Variants in ZNF695 observed in about 807,000 individuals in gnomAD.
ZNF695 encodes the protein zinc finger protein SBZF3.
A neutral mutation model predicts 11.2 loss-of-function variants in ZNF695; 11 were observed. The ratio of observed to expected loss-of-function variants is 0.98; its 90% CI spans 0.62 to 1.62. ZNF695 has a LOEUF of 1.62. Ranked by LOEUF, ZNF695 falls within the 40% of genes most tolerant of loss-of-function variation. The pLI, the probability that ZNF695 is intolerant of heterozygous loss-of-function variation, is 0.00. For synonymous variants in ZNF695, 190 were observed against 201.4 expected, an observed-to-expected ratio of 0.94 and a Z score of 0.48; for missense variants, 559 against 590.5, an observed-to-expected ratio of 0.95 and a Z score of 0.55.
chr1:246,957,932 A>C (rs950843513), intron 5 of ZNF695, among the ~76,000 whole-genome samples: 3 of 152,004 alleles, frequency 2.0e-5, no homozygotes, highest in African/African-American at 7.2e-5. Flanking sequence ...TATATTTATT[A>C]CTACATGCAT....
intron 4 of ZNF695, among the ~76,000 whole-genome samples, chr1:246,978,232 C>T (rs1025175168): frequency 4.6e-5 from 7 of 152,200 alleles, no homozygotes; most frequent in Admixed American, 2.6e-4. Context: ...ATTCAGAATA[C>T]ATTCATCCCA....
intron 4 of ZNF695, chr1:246,980,108 C>T (rs935413192): frequency 6.2e-5 from 9 of 144,702 alleles, no homozygotes; most frequent in Middle Eastern, 3.5e-3. Context: ...GAACCTGGGA[C>T]GCGGAGCTTG....
rs762865431 is a variant in ZNF695, at chr1:246,987,164, G to C, written c.1351C>G (p.Leu451Val). The change falls in exon 4 of 4, where the codon CTT (leucine) becomes GTT (valine). Residue 451 changes from leucine to valine, a missense_variant. Coordinates refer to ENST00000339986, the MANE Select transcript of ZNF695 (RefSeq NM_020394.5). ...CGKAFNWFSY[L>V]TNHKRIHTGE... Reference sequence around the variant, plus strand: ...GTATGAATTCTCTTATGATTAGTAAGATATGAAAACCAGTTAAAAGCTTTG... The same window carrying C: ...GTATGAATTCTCTTATGATTAGTAACATATGAAAACCAGTTAAAAGCTTTG... 1 of 1,613,984 alleles carries C rather than the reference G, an allele frequency of 6.2e-7. No individual in the cohort carries two copies. Among genetic ancestry groups the C allele is most frequent in the Non-Finnish European group, 8.5e-7 (1 of 1,179,984 alleles).
chr1:247,005,956 T>C (rs66842594), intron 1 of ZNF695, among the ~76,000 whole-genome samples: 6,008 of 152,290 alleles, frequency 0.039, 154 homozygotes, highest in South Asian at 0.12. Flanking sequence ...CTGGGCACGG[T>C]GGCTCAAGCC....
At chr1:246,990,462 TA>T (rs1304367842) in intron 3 of ZNF695, among the ~76,000 whole-genome samples, 1 of 152,154 alleles carries the variant, frequency 6.6e-6, no homozygotes, top group East Asian at 1.9e-4. Context: ...AGTACCCAGA[TA>T]TATAAGGCAA....
chr1:247,000,097 C>T (rs1333906935), intron 1 of ZNF695, 23 bp from the exon 2 acceptor site: 1 of 1,588,860 alleles, frequency 6.3e-7, no homozygotes, highest in Admixed American at 1.8e-5. Context: ...ACATATTTAC[C>T]AAGTGGTCAC....
intron 3 of ZNF695, among the ~76,000 whole-genome samples, chr1:246,992,015 G>C (rs1426772541): frequency 1.3e-5 from 2 of 152,016 alleles, no homozygotes; most frequent in Non-Finnish European, 2.9e-5. Context: ...CTAACAACGT[G>C]TAGCCGGGCG....
rs79962877 is a variant in ZNF695 at position 246,974,717 on chromosome 1, G to A, written c.391-6925C>T. Reference sequence around the variant, plus strand: ...GGAAAATCAATGCAGATATGGAATAGCAGGTACATGAGGACTCTGAGGTAG... The same window carrying A: ...GGAAAATCAATGCAGATATGGAATAACAGGTACATGAGGACTCTGAGGTAG... On this transcript the variant is annotated intron_variant, in intron 4 of 5. Coordinates refer to the ZNF695 transcript ENST00000487338. 4.5e-3 allele frequency among the ~76,000 whole-genome samples: 690 copies of A among 152,304 alleles called. 4 individuals carry two copies. Among genetic ancestry groups the A allele is most frequent in the African/African-American group, 0.015 (627 of 41,574 alleles).
Position 246,988,013 on chromosome 1 carries a change from A to G in ZNF695, c.502T>C (p.Phe168Leu), listed in dbSNP as rs376693588. The change falls in exon 4 of 4, where the codon TTT becomes CTT. Residue 168 changes from phenylalanine (F) to leucine (L), a missense_variant. Physicochemically the swap from Phe to Leu is conservative, Grantham distance 22 (BLOSUM62 0). Transcript: ENST00000339986. ...CNKCVKGFSKFANLNKCKISH... is the reference protein window; with the variant it reads ...CNKCVKGFSKLANLNKCKISH... ...ATCTTACATTTATTTAGATTTGCAA[A>G]TTTACTAAAACCTTTCACACATTTA... 1.3e-6 allele frequency: 2 copies of G among 1,596,546 alleles called. No individual in the cohort carries two copies. The highest frequency in any genetic ancestry group is 1.7e-6 in the Non-Finnish European group (2 of 1,174,072).
At chr1:246,948,511 C>CT (rs1667794329) in intron 5 of ZNF695, among the ~76,000 whole-genome samples, 1 of 152,124 alleles carries the variant, frequency 6.6e-6, no homozygotes, top group South Asian at 2.1e-4. Context: ...ACTTGGCTGA[C>CT]TTTTTTTCCA....
At chr1:246,954,344 C>A (rs1292904215) in intron 5 of ZNF695, among the ~76,000 whole-genome samples, 1 of 152,200 alleles carries the variant, frequency 6.6e-6, no homozygotes, top group Non-Finnish European at 1.5e-5. Flanking sequence ...GCAATGCCTG[C>A]CAGCTGTTCC....
intron 3 of ZNF695, among the ~76,000 whole-genome samples, chr1:246,988,707 A>G (rs937714237): frequency 2.6e-5 from 4 of 152,216 alleles, no homozygotes; most frequent in Non-Finnish European, 4.4e-5. Flanking sequence ...GAGTACTTCA[A>G]TCAGAAAAGA....
chr1:247,001,712 C>CAA (rs56131097), intron 1 of ZNF695, among the ~76,000 whole-genome samples: 34 of 79,202 alleles, frequency 4.3e-4, no homozygotes, highest in Non-Finnish European at 6.8e-4. Context: ...GACTTCGTCT[C>CAA]AAAAAAAAAA....
chr1:246,999,557 A>G (rs559772676), intron 2 of ZNF695, 117 bp from the exon 3 acceptor site: 631 of 787,036 alleles, frequency 8.0e-4, no homozygotes, highest in Non-Finnish European at 1.1e-3. Flanking sequence ...ACTCCAAAAT[A>G]CTGTTTTCTG....
chr1:246,946,254 A>C (rs1667731915), intron 5 of ZNF695, among the ~76,000 whole-genome samples: 1 of 151,694 alleles, frequency 6.6e-6, no homozygotes, highest in Non-Finnish European at 1.5e-5. Context: ...ACCTATCACT[A>C]TATGACAGAG....
At position 246,958,065 on chromosome 1, in the gene ZNF695, TG is replaced by T. The variant is rs1668046859; in HGVS notation, c.488+9629del. On this transcript the variant is annotated intron_variant, in intron 5 of 5. Coordinates refer to the ZNF695 transcript ENST00000487338. ...TTTTGTTTTGTTTTGTTTTTGTTTT[TG>T]TTTTTTTTTTGAGACAGAGTCTTGC... 4.6e-5 allele frequency among the ~76,000 whole-genome samples: 7 copies of T among 151,260 alleles called. No individual in the cohort carries two copies. In the South Asian group the frequency reaches 1.5e-3, roughly 32 times the overall value.
Position 247,007,916 on chromosome 1 carries a change from CT to C in ZNF695, c.-9del. The C allele has an allele frequency of 1.3e-6, 2 of 1,532,924 alleles. No individual in the cohort carries two copies. Among genetic ancestry groups the C allele is most frequent in the Non-Finnish European group, 1.8e-6 (2 of 1,133,270 alleles). The allele number at this position is 1,532,924 out of a possible 1,614,324, so 95.0% of individuals were successfully genotyped here. ...GCTCCGCACACTCACCATTTCCCAGCTTTTGGGGGTCCCAGCGTCCTCCCTA... is the reference window on the plus strand; with the variant it reads ...GCTCCGCACACTCACCATTTCCCAGCTTTGGGGGTCCCAGCGTCCTCCCTA... On this transcript the variant is annotated 5_prime_UTR_variant, in exon 1 of 4. Coordinates refer to ENST00000339986, the MANE Select transcript of ZNF695 (RefSeq NM_020394.5).
chr1:246,957,393 A>AC (rs1218992155), intron 5 of ZNF695, among the ~76,000 whole-genome samples: 1 of 151,972 alleles, frequency 6.6e-6, no homozygotes, highest in Non-Finnish European at 1.5e-5. Context: ...AAAAAAAAAA[A>AC]AAAGAATTGG....
chr1:246,976,630 TA>T (rs1558310793), intron 4 of ZNF695, among the ~76,000 whole-genome samples: 4 of 151,352 alleles, frequency 2.6e-5, no homozygotes, highest in South Asian at 4.2e-4. Flanking sequence ...CCGTCTCTAC[TA>T]AAAATACAAA....
Sources: allele counts gnomAD v4.1 joint callset (sites outside exome capture counted in the v4.1 genomes callset), GRCh38; gene constraint gnomAD v4.1.1; transcripts MANE v1.5; gene names NCBI Gene and HGNC (gene_info 2026-07-23, HGNC 2026-07-21).